Variants in AFF1 observed in about 807,000 individuals in gnomAD.
AFF1 encodes ALF transcription elongation factor 1, also known as AF4/FMR2 family member 1.
A neutral mutation model predicts 121.7 loss-of-function variants in AFF1; 48 were observed. The ratio of observed to expected loss-of-function variants is 0.39; its 90% confidence interval spans 0.31 to 0.50. The LOEUF is 0.50. Among genes scored for constraint, AFF1 ranks in the 20% least tolerant of loss-of-function variants. The pLI is 0.76. For missense variants in AFF1, 1,523 were observed against 1,511.7 expected (o/e 1.01, Z -0.12); for synonymous variants, 613 against 563.0 (o/e 1.09, Z -1.26).
At chr4:87,090,539 C>A (rs1243173988) in intron 6 of AFF1, among the ~76,000 whole-genome samples, 2 of 152,120 alleles carry the variant, frequency 1.3e-5, no homozygotes, top group Admixed American at 1.3e-4. Context: ...ATGAACAATG[C>A]GTTAAAACAC....
intron 1 of AFF1, among the ~76,000 whole-genome samples, chr4:86,937,132 T>C (rs1367350819): frequency 6.6e-6 from 1 of 152,198 alleles, no homozygotes; most frequent in Non-Finnish European, 1.5e-5. Flanking sequence ...TCTTTGCTTT[T>C]CACCTGCAAG....
intron 2 of AFF1, among the ~76,000 whole-genome samples, chr4:86,972,521 A>C (rs1723018318): frequency 6.6e-6 from 1 of 152,182 alleles, no homozygotes; most frequent in Non-Finnish European, 1.5e-5. Flanking sequence ...GTTTTGGGTT[A>C]TAAATTTAAT....
intron 2 of AFF1, among the ~76,000 whole-genome samples, chr4:87,038,238 C>A (rs949942833): frequency 1.3e-5 from 2 of 152,088 alleles, no homozygotes; most frequent in African/African-American, 4.8e-5. Flanking sequence ...AGAGTGAAAA[C>A]CCTGGGACGA....
chr4:87,116,416 C>G (rs1309831805), intron 12 of AFF1, among the ~76,000 whole-genome samples: 1 of 152,130 alleles, frequency 6.6e-6, no homozygotes, highest in African/African-American at 2.4e-5. Flanking sequence ...CATTCCCAAG[C>G]CAACTTGCCC....
intron 4 of AFF1, among the ~76,000 whole-genome samples, chr4:87,054,001 G>A (rs1319404311): frequency 1.3e-5 from 2 of 152,200 alleles, no homozygotes; most frequent in Non-Finnish European, 2.9e-5. Flanking sequence ...ATTCCAGGAA[G>A]AAGGAATAGC....
At chr4:87,052,165 T>G (rs958125246) in intron 4 of AFF1, among the ~76,000 whole-genome samples, 5 of 152,014 alleles carry the variant, frequency 3.3e-5, no homozygotes, top group Non-Finnish European at 1.5e-5. Flanking sequence ...CCCAGCACAT[T>G]GGGAGGCCGA....
At chr4:87,071,173 C>CTTT (rs34949744) in intron 4 of AFF1, among the ~76,000 whole-genome samples, 10 of 120,734 alleles carry the variant, frequency 8.3e-5, no homozygotes, top group South Asian at 2.6e-4. Context: ...CCCTACCAGT[C>CTTT]TTTTTTTTTT....
intron 11 of AFF1, among the ~76,000 whole-genome samples, chr4:87,110,174 T>C (rs776554397): frequency 6.6e-6 from 1 of 151,554 alleles, no homozygotes; most frequent in African/African-American, 2.4e-5. Context: ...TCCTTTTTTT[T>C]ATTTTTTTTT....
chr4:86,988,040 T>C (rs965088477), intron 2 of AFF1, among the ~76,000 whole-genome samples: 11 of 151,808 alleles, frequency 7.2e-5, no homozygotes, highest in African/African-American at 2.4e-4. Flanking sequence ...GTAGTTCTTT[T>C]TGTTTTTGAT....
Position 86,973,161 on chromosome 4 carries a change from G to A in AFF1, c.38+24590G>A, listed in dbSNP as rs114142399. Among the ~76,000 whole-genome samples, 390 of 152,258 alleles carry A rather than the reference G, an allele frequency of 2.6e-3. 5 individuals are homozygous for A. The highest frequency in any genetic ancestry group is 8.2e-3 in the African/African-American group (340 of 41,536). On this transcript the variant is annotated intron_variant, in intron 2 of 20. Coordinates refer to ENST00000395146, the MANE Select transcript of AFF1 (RefSeq NM_001166693.3). ...CACTGCTGCACGGAGGCAGTGAAGG[G>A]TGGGGGAAGATTATTTCACTTGGGG...
At chr4:86,998,098 CAAAAAAAAAAAAAAAAA>C in intron 2 of AFF1, among the ~76,000 whole-genome samples, 1 of 91,754 alleles carries the variant, frequency 1.1e-5, no homozygotes, top group South Asian at 4.0e-4. Context: ...AACTCCGTCT[CAAAAAAAAAAAAAAAAA>C]AAAAAAAAAA....
chr4:87,122,905 AATT>A (rs1453312792), intron 12 of AFF1, among the ~76,000 whole-genome samples: 4 of 149,726 alleles, frequency 2.7e-5, no homozygotes, highest in Non-Finnish European at 4.5e-5. Flanking sequence ...AAAAAAAAAA[AATT>A]CTTTTTGAGA....
intron 4 of AFF1, among the ~76,000 whole-genome samples, chr4:87,080,049 T>A (rs143361573): frequency 4.9e-4 from 75 of 152,298 alleles, no homozygotes; most frequent in Non-Finnish European, 9.0e-4. Context: ...ATCATTTTTT[T>A]AAAAATTAAA....
At position 87,047,350 on chromosome 4, in the gene AFF1, C is replaced by T. The variant is rs373023663; in HGVS notation, c.815C>T (p.Ala272Val). The T allele has an allele frequency of 1.9e-6, 3 of 1,614,162 alleles. No individual in the cohort carries two copies. The highest frequency in any genetic ancestry group is 2.5e-6 in the Non-Finnish European group (3 of 1,180,024). ...DKETPQDSLV[A>V]PAQPPSQTFP... The stretch of plus-strand genomic sequence containing the variant: ...GAGACCCCTCAAGACAGTTTGGTGG[C>T]CCCTGCCCAGCCGCCTTCTCAGACA... Residue 272 changes from alanine (A) to valine (V), a missense_variant, in exon 4 of 21, where the codon GCC becomes GTC. By Grantham distance (64) the Ala-to-Val change is moderately conservative. Around this residue, in one of 5 missense-constraint regions of AFF1, gnomAD observed 369 missense variants for 367.2 expected, o/e 1.00. Coordinates refer to ENST00000395146, the MANE Select transcript of AFF1 (RefSeq NM_001166693.3).
intron 2 of AFF1, chr4:87,007,166 A>G (rs1726220873): frequency 3.0e-6 from 4 of 1,346,430 alleles, no homozygotes; most frequent in Non-Finnish European, 3.8e-6. Context: ...TGAAGTGCAG[A>G]TCGCCGCAGA....
intron 8 of AFF1, among the ~76,000 whole-genome samples, chr4:87,095,450 T>G (rs915187151): frequency 6.6e-6 from 1 of 152,164 alleles, no homozygotes; most frequent in Non-Finnish European, 1.5e-5. Context: ...CTGTTGAAGG[T>G]CTATGTACCA....
At chr4:87,094,801 G>C in intron 7 of AFF1, 114 bp from the exon 8 acceptor site, 1 of 901,454 alleles carries the variant, frequency 1.1e-6, no homozygotes, top group Admixed American at 2.1e-5. Context: ...TGCTAAGATT[G>C]TACCAAGTGC....
intron 4 of AFF1, among the ~76,000 whole-genome samples, chr4:87,068,593 C>G (rs1316084864): frequency 6.6e-6 from 1 of 152,204 alleles, no homozygotes; most frequent in Non-Finnish European, 1.5e-5. Context: ...TGTTTTTGAA[C>G]TACGCACATG....
intron 5 of AFF1, 91 bp downstream of exon 5, chr4:87,084,255 T>A: frequency 7.1e-7 from 1 of 1,401,414 alleles, no homozygotes; most frequent in Non-Finnish European, 1.0e-6. Flanking sequence ...ACAGTTGCCA[T>A]TGGCTGGGTG....
Sources: allele counts gnomAD v4.1 joint callset (sites outside exome capture counted in the v4.1 genomes callset), GRCh38; gene constraint gnomAD v4.1.1; regional missense constraint gnomAD v4.1.1; transcripts MANE v1.5; gene names NCBI Gene and HGNC (gene_info 2026-07-23, HGNC 2026-07-21).